Variants in COLEC12 observed in about 807,000 individuals in gnomAD.
The protein encoded by COLEC12 is collectin-12.
Under a neutral mutation model 71.1 loss-of-function variants are expected in COLEC12, and 33 were observed. That is an observed-to-expected ratio of 0.46 (90% CI 0.35 to 0.62). The LOEUF (loss-of-function observed/expected upper bound fraction) is 0.62, where lower values mean the gene tolerates loss of function less well. Among genes scored for constraint, COLEC12 ranks in the 20% least tolerant of loss-of-function variants. The pLI, the probability that COLEC12 is intolerant of heterozygous loss-of-function variation, is 0.00. For synonymous variants in COLEC12, 350 were observed against 353.0 expected (o/e 0.99, Z 0.10); for missense variants, 765 against 916.1 (o/e 0.84, Z 2.13).
intron 9 of COLEC12, among the ~76,000 whole-genome samples, chr18:320,415 G>A (rs183556479): frequency 6.6e-6 from 1 of 152,226 alleles, no homozygotes; most frequent in Non-Finnish European, 1.5e-5. Flanking sequence ...TGACCCAGCT[G>A]TGAGTTCCTA....
At chr18:385,682 G>T (rs538993182) in intron 2 of COLEC12, among the ~76,000 whole-genome samples, 1 of 152,076 alleles carries the variant, frequency 6.6e-6, no homozygotes, top group East Asian at 1.9e-4. Flanking sequence ...AATTATTTCC[G>T]TTTTTTCAAT....
At chr18:474,316 G>C (rs1172363966) in intron 2 of COLEC12, among the ~76,000 whole-genome samples, 1 of 152,230 alleles carries the variant, frequency 6.6e-6, no homozygotes, top group Non-Finnish European at 1.5e-5. Context: ...TAATGGGTGG[G>C]AAATCACCTG....
At chr18:416,262 A>G (rs573862107) in intron 2 of COLEC12, among the ~76,000 whole-genome samples, 85 of 152,344 alleles carry the variant, frequency 5.6e-4, no homozygotes, top group Non-Finnish European at 1.0e-3. Context: ...AACAAGCTGA[A>G]AACAGTAAAG....
At chr18:361,594 C>A (rs760243009) in intron 2 of COLEC12, among the ~76,000 whole-genome samples, 1 of 152,168 alleles carries the variant, frequency 6.6e-6, no homozygotes, top group African/African-American at 2.4e-5. Flanking sequence ...CACGGACCAG[C>A]GCATAAGCTC....
chr18:460,541 T>A (rs911080326), intron 2 of COLEC12, among the ~76,000 whole-genome samples: 1 of 152,180 alleles, frequency 6.6e-6, no homozygotes, highest in African/African-American at 2.4e-5. Context: ...TCCAGACATT[T>A]GAGATTAAAA....
At chr18:424,138 A>T (rs1471682011) in intron 2 of COLEC12, 1 of 152,168 alleles carries the variant, frequency 6.6e-6, no homozygotes, top group East Asian at 1.9e-4. Context: ...TATAAATTAC[A>T]CCAAAGACTT....
intron 1 of COLEC12, among the ~76,000 whole-genome samples, chr18:485,020 G>A (rs1206006973): frequency 1.3e-5 from 2 of 152,204 alleles, no homozygotes; most frequent in African/African-American, 4.8e-5. Flanking sequence ...TGTCCCCATT[G>A]ACTAAAACAT....
intron 2 of COLEC12, among the ~76,000 whole-genome samples, chr18:410,972 G>A (rs148237887): frequency 6.6e-5 from 10 of 152,296 alleles, no homozygotes; most frequent in Non-Finnish European, 1.3e-4. Context: ...GTACCCCACT[G>A]GGGTGGGGTA....
chr18:432,641 A>C (rs1916326787), intron 2 of COLEC12, among the ~76,000 whole-genome samples: 5 of 152,172 alleles, frequency 3.3e-5, no homozygotes. Context: ...AGCTGGACTA[A>C]TCCACAAAAT....
chr18:343,672 C>T (rs564211562), intron 5 of COLEC12, among the ~76,000 whole-genome samples: 17 of 152,302 alleles, frequency 1.1e-4, no homozygotes, highest in Middle Eastern at 6.8e-3. Flanking sequence ...CACACACTTT[C>T]GGTGACTATC....
chr18:454,494 C>T lies in COLEC12; in HGVS notation c.58+26213G>A, dbSNP rs972993468. On this transcript the variant is annotated intron_variant, in intron 2 of 9. Transcript: ENST00000400256. The stretch of plus-strand genomic sequence containing the variant: ...GTCAGGAGTTCAAGACCAGCCTGGC[C>T]AACATGGTGAAACTCCATCTCTACT... Among the ~76,000 whole-genome samples, 3 of 152,166 alleles carry T rather than the reference C, an allele frequency of 2.0e-5. No homozygotes were observed. The East Asian group carries it at 5.8e-4, about 29-fold the overall frequency.
At chr18:322,293 A>G (rs1913727300) in intron 8 of COLEC12, among the ~76,000 whole-genome samples, 1 of 152,178 alleles carries the variant, frequency 6.6e-6, no homozygotes, top group Non-Finnish European at 1.5e-5. Context: ...AAGAGCCAGG[A>G]AGAGAAAGTG....
At chr18:499,248 T>C (rs952410303) in intron 1 of COLEC12, among the ~76,000 whole-genome samples, 3 of 152,182 alleles carry the variant, frequency 2.0e-5, no homozygotes, top group East Asian at 1.9e-4. Context: ...GGCAGTTGTA[T>C]CGTGTCTTTT....
chr18:495,449 G>A (rs1917692324), intron 1 of COLEC12, among the ~76,000 whole-genome samples: 2 of 152,102 alleles, frequency 1.3e-5, no homozygotes, highest in Non-Finnish European at 2.9e-5. Context: ...GAGTGTAGGG[G>A]CCGTTTTCAG....
chr18:324,485 A>AAC (rs56732220), intron 8 of COLEC12, among the ~76,000 whole-genome samples: 9 of 151,598 alleles, frequency 5.9e-5, no homozygotes, highest in Admixed American at 1.3e-4. Context: ...GTAAGCTGGA[A>AAC]ACACACACAC....
chr18:498,318 C>T (rs554913455), intron 1 of COLEC12, among the ~76,000 whole-genome samples: 5 of 149,774 alleles, frequency 3.3e-5, no homozygotes, highest in East Asian at 3.9e-4. Context: ...ATACAGATTA[C>T]GTGGTAATAA....
chr18:454,812 G>A (rs572757204), intron 2 of COLEC12, among the ~76,000 whole-genome samples: 2 of 152,340 alleles, frequency 1.3e-5, no homozygotes, highest in East Asian at 1.9e-4. Flanking sequence ...CATCTGCCAT[G>A]AGGGCAGGTC....
At chr18:425,771 G>C (rs558700777) in intron 2 of COLEC12, among the ~76,000 whole-genome samples, 23 of 152,244 alleles carry the variant, frequency 1.5e-4, no homozygotes, top group Admixed American at 1.2e-3. Flanking sequence ...CTGTTACTGA[G>C]TTAAAGACAT....
chr18:465,531 A>G (rs181454882), intron 2 of COLEC12, among the ~76,000 whole-genome samples: 70 of 152,358 alleles, frequency 4.6e-4, no homozygotes, highest in Admixed American at 4.4e-3. Context: ...TCTCTGAAAT[A>G]CAAATCTCTT....
Sources: allele counts gnomAD v4.1 joint callset (sites outside exome capture counted in the v4.1 genomes callset), GRCh38; gene constraint gnomAD v4.1.1; transcripts MANE v1.5; gene names NCBI Gene and HGNC (gene_info 2026-07-23, HGNC 2026-07-21).